The following PLD5 variants were observed in gnomAD, a reference collection of about 807,000 sequenced individuals.
PLD5 encodes the protein inactive phospholipase D5.
Under a neutral mutation model 61.1 loss-of-function variants are expected in PLD5, and 36 were observed. That is an observed-to-expected ratio of 0.59 (90% CI 0.45 to 0.78). PLD5 has a LOEUF of 0.78. Among genes scored for constraint, PLD5 ranks in the 30% least tolerant of loss-of-function variants. The pLI is 0.00. For synonymous variants in PLD5, 243 were observed against 242.8 expected (o/e 1.00, Z -0.01); for missense variants, 515 against 644.4 (o/e 0.80, Z 2.17).
At chr1:242,188,883 T>C (rs1668068731) in intron 5 of PLD5, 1 of 152,212 alleles carries the variant, frequency 6.6e-6, no homozygotes, top group Admixed American at 6.5e-5. Context: ...GCAAACTAAC[T>C]ACACTTTTGC....
chr1:242,257,011 TC>T (rs1673092401), intron 4 of PLD5, among the ~76,000 whole-genome samples: 1 of 150,906 alleles, frequency 6.6e-6, no homozygotes, highest in South Asian at 2.1e-4. Flanking sequence ...TATCTATCTA[TC>T]ATCTATCTAT....
At chr1:242,360,249 T>C (rs551097067) in intron 1 of PLD5, among the ~76,000 whole-genome samples, 2 of 152,258 alleles carry the variant, frequency 1.3e-5, no homozygotes, top group South Asian at 2.1e-4. Context: ...ACTTAGTACA[T>C]GTTCATCCAT....
At chr1:242,142,472 A>G (rs957268633) in intron 5 of PLD5, among the ~76,000 whole-genome samples, 5 of 152,194 alleles carry the variant, frequency 3.3e-5, no homozygotes, top group African/African-American at 1.2e-4. Context: ...AGCAACGTAC[A>G]TATTCTACAA....
At chr1:242,409,695 G>C (rs1357401552) in intron 1 of PLD5, among the ~76,000 whole-genome samples, 1 of 152,196 alleles carries the variant, frequency 6.6e-6, no homozygotes, top group Non-Finnish European at 1.5e-5. Flanking sequence ...TGGCTGATTT[G>C]CACTGGGCTC....
At chr1:242,143,885 A>AG (rs1480269662) in intron 5 of PLD5, among the ~76,000 whole-genome samples, 4 of 149,988 alleles carry the variant, frequency 2.7e-5, no homozygotes, top group African/African-American at 9.9e-5. Flanking sequence ...TCTGTTGCCC[A>AG]GGCTGGAATG....
At chr1:242,143,850 C>CA (rs1280950118) in intron 5 of PLD5, among the ~76,000 whole-genome samples, 2 of 149,160 alleles carry the variant, frequency 1.3e-5, no homozygotes, top group Non-Finnish European at 3.0e-5. Context: ...TTTTTTTTTC[C>CA]TTTTTTTTTG....
In PLD5 at chr1:242,084,085, T is replaced by A. The variant is rs1659353154; in HGVS notation, c.*5769A>T. 1 of 152,174 alleles carries A rather than the reference T, an allele frequency of 6.6e-6. No individual in the cohort carries two copies. Among genetic ancestry groups the A allele is most frequent in the African/African-American group, 2.4e-5 (1 of 41,440 alleles). 9.4% of individuals were successfully genotyped at this position (152,174 alleles called of 1,614,324 possible). ...GAGATCTTTTCTCCTTACTAATTTA[T>A]CTCTCATATAAAAATAAATCACAAA... is the stretch of plus-strand genomic sequence containing the variant. On this transcript the variant is annotated 3_prime_UTR_variant, in exon 10 of 10. Coordinates refer to ENST00000536534, the MANE Select transcript of PLD5 (RefSeq NM_001372062.1).
chr1:242,254,779 C>T (rs1213692483), intron 4 of PLD5, among the ~76,000 whole-genome samples: 1 of 152,184 alleles, frequency 6.6e-6, no homozygotes, highest in Non-Finnish European at 1.5e-5. Flanking sequence ...GTCGGGGCCA[C>T]AAAAGTACCT....
intron 2 of PLD5, among the ~76,000 whole-genome samples, chr1:242,301,055 G>A (rs1358530517): frequency 2.0e-5 from 3 of 152,106 alleles, no homozygotes; most frequent in African/African-American, 7.2e-5. Flanking sequence ...TGAATGAGCT[G>A]ATTGTGAGAC....
intron 1 of PLD5, among the ~76,000 whole-genome samples, chr1:242,436,438 G>A (rs961283634): frequency 9.2e-5 from 14 of 152,104 alleles, no homozygotes; most frequent in South Asian, 2.1e-4. Flanking sequence ...CAAGATCTCC[G>A]TGAGCAACTG....
chr1:242,254,946 G>A (rs548421756), intron 4 of PLD5, among the ~76,000 whole-genome samples: 64 of 152,316 alleles, frequency 4.2e-4, no homozygotes, highest in Middle Eastern at 3.4e-3. Flanking sequence ...ACACTTTGAC[G>A]GCAGCGTATA....
chr1:242,397,931 C>T (rs1490871307), intron 1 of PLD5, among the ~76,000 whole-genome samples: 1 of 152,080 alleles, frequency 6.6e-6, no homozygotes, highest in Non-Finnish European at 1.5e-5. Flanking sequence ...ACTCTAGAGG[C>T]TTGACAATGG....
chr1:242,236,901 C>T (rs1261796055), intron 4 of PLD5, among the ~76,000 whole-genome samples: 2 of 152,272 alleles, frequency 1.3e-5, no homozygotes, highest in South Asian at 4.2e-4. Flanking sequence ...CAGGTTGAAG[C>T]CTGCCAAGGA....
intron 1 of PLD5, among the ~76,000 whole-genome samples, chr1:242,471,215 C>T (rs1270370846): frequency 6.6e-6 from 1 of 152,216 alleles, no homozygotes; most frequent in African/African-American, 2.4e-5. Context: ...TGTCCTAAAC[C>T]TGCAAATTCC....
chr1:242,428,526 G>T (rs939052611), intron 1 of PLD5, among the ~76,000 whole-genome samples: 13 of 152,130 alleles, frequency 8.5e-5, no homozygotes, highest in African/African-American at 3.1e-4. Context: ...TCCTGTCTTT[G>T]CAAAATGTCA....
intron 1 of PLD5, among the ~76,000 whole-genome samples, chr1:242,446,046 A>C (rs1316186639): frequency 6.6e-6 from 1 of 151,942 alleles, no homozygotes; most frequent in Non-Finnish European, 1.5e-5. Context: ...GACCCAATGG[A>C]GGTAACAATC....
At chr1:242,419,223 CTGCGTGACGTTTCTCA>C (rs1664993339) in intron 1 of PLD5, among the ~76,000 whole-genome samples, 1 of 152,178 alleles carries the variant, frequency 6.6e-6, no homozygotes, top group Non-Finnish European at 1.5e-5. Flanking sequence ...TTCTTACAGC[CTGCGTGACGTTTCTCA>C]TGCCATCAGG....
chr1:242,207,866 A>ATATTTATATTTATATATATT lies in PLD5; in HGVS notation c.735+12121_735+12122insAATATATATAAATATAAATA, dbSNP rs1421275059. Among the ~76,000 whole-genome samples the ATATTTATATTTATATATATT allele has an allele frequency of 2.2e-4, 4 of 18,180 alleles. 1 individual carries two copies. The highest frequency in any genetic ancestry group is 1.1e-3 in the African/African-American group (4 of 3,552). The allele number at this position is 18,180 out of a possible 152,430, so 11.9% of individuals were successfully genotyped here. A position where few individuals can be genotyped will look rare whatever the true frequency, so the allele number is the denominator to read the frequency against. ...TTTATATATATTTATATATTTATAT[A>ATATTTATATTTATATATATT]TTTATATATATTTATATATTTATAT... On this transcript the variant is annotated intron_variant, in intron 5 of 9. Coordinates refer to ENST00000536534, the MANE Select transcript of PLD5 (RefSeq NM_001372062.1).
At chr1:242,453,646 C>A (rs1314057105) in intron 1 of PLD5, among the ~76,000 whole-genome samples, 1 of 152,132 alleles carries the variant, frequency 6.6e-6, no homozygotes, top group Non-Finnish European at 1.5e-5. Context: ...ATTGGAAGCT[C>A]CCTATGGCCA....
Sources: gnomAD v4.1 joint callset for allele counts (sites outside exome capture counted in the v4.1 genomes callset) on GRCh38, gnomAD v4.1.1 for gene constraint, MANE v1.5 for transcripts, NCBI Gene and HGNC (gene_info 2026-07-23, HGNC 2026-07-21) for gene names.